The following SDK1 variants were observed in gnomAD, a reference collection of about 807,000 sequenced individuals.
SDK1 encodes the protein protein sidekick-1.
SDK1 carries 157 observed loss-of-function variants against 245.5 expected under a neutral mutation model. The ratio of observed to expected loss-of-function variants is 0.64; its 90% CI spans 0.56 to 0.73. SDK1 has a LOEUF of 0.73. Ranked by LOEUF, SDK1 falls within the 30% of genes least tolerant of loss-of-function variation. The pLI is 0.00. For synonymous variants in SDK1, 1,647 were observed against 1,278.5 expected (o/e 1.29, Z -6.15); for missense variants, 3,583 against 3,002.3 (o/e 1.19, Z -4.52).
intron 44 of SDK1, among the ~76,000 whole-genome samples, chr7:4,247,732 G>A (rs1176770485): frequency 6.6e-6 from 1 of 152,230 alleles, no homozygotes; most frequent in African/African-American, 2.4e-5. Context: ...CTGGCCCAGG[G>A]TGAACGTGCA....
chr7:3,674,200 T>C (rs1365835559), intron 4 of SDK1, among the ~76,000 whole-genome samples: 2 of 152,062 alleles, frequency 1.3e-5, no homozygotes, highest in African/African-American at 2.4e-5. Context: ...GCATCAGAAA[T>C]TGACTACAAC....
intron 44 of SDK1, among the ~76,000 whole-genome samples, chr7:4,263,703 C>T (rs1364393224): frequency 4.7e-4 from 3 of 6,432 alleles, no homozygotes; most frequent in Non-Finnish European, 8.2e-4. Context: ...TGAGGGAGGC[C>T]GCGTAGACCT....
intron 22 of SDK1, among the ~76,000 whole-genome samples, chr7:4,080,736 T>A (rs1373966781): frequency 6.6e-6 from 1 of 152,014 alleles, no homozygotes; most frequent in Non-Finnish European, 1.5e-5. Flanking sequence ...AGGGATAGCA[T>A]TGGGAGATAC....
At chr7:3,316,013 T>C (rs1228983274) in intron 1 of SDK1, among the ~76,000 whole-genome samples, 1 of 152,210 alleles carries the variant, frequency 6.6e-6, no homozygotes, top group African/African-American at 2.4e-5. Context: ...GTTTAATCTT[T>C]ATGATTCTAG....
At chr7:3,756,489 A>G (rs1779936878) in intron 4 of SDK1, among the ~76,000 whole-genome samples, 1 of 151,706 alleles carries the variant, frequency 6.6e-6, no homozygotes. Context: ...CTCCTTTCAC[A>G]TGGCATTGTG....
intron 1 of SDK1, among the ~76,000 whole-genome samples, chr7:3,549,715 C>T (rs1182639941): frequency 1.3e-5 from 2 of 152,096 alleles, no homozygotes; most frequent in African/African-American, 4.8e-5. Context: ...GAAGTTGGCT[C>T]TGAACAAGAA....
chr7:4,201,488 TTA>T (rs1289338514), intron 35 of SDK1, among the ~76,000 whole-genome samples: 3 of 152,374 alleles, frequency 2.0e-5, no homozygotes, highest in African/African-American at 7.2e-5. Flanking sequence ...AATTATTTCA[TTA>T]TATTAAAACA....
intron 1 of SDK1, among the ~76,000 whole-genome samples, chr7:3,358,552 G>A (rs577198077): frequency 6.6e-6 from 1 of 151,848 alleles, no homozygotes; most frequent in Non-Finnish European, 1.5e-5. Context: ...CATTGTTCAC[G>A]CTTACAGCAT....
At chr7:4,120,154 G>A (rs540275206) in intron 25 of SDK1, among the ~76,000 whole-genome samples, 5 of 148,434 alleles carry the variant, frequency 3.4e-5, no homozygotes, top group Non-Finnish European at 7.5e-5. Flanking sequence ...AACAGAATGA[G>A]ATCTACCACA....
chr7:3,773,111 TA>T (rs1780449276), intron 4 of SDK1, among the ~76,000 whole-genome samples: 1 of 152,244 alleles, frequency 6.6e-6, no homozygotes, highest in Non-Finnish European at 1.5e-5. Flanking sequence ...TTTCAGCCCT[TA>T]TTTCTTCAAG....
At chr7:4,081,084 G>T (rs889689876) in intron 22 of SDK1, among the ~76,000 whole-genome samples, 1 of 152,202 alleles carries the variant, frequency 6.6e-6, no homozygotes, top group East Asian at 1.9e-4. Flanking sequence ...TGACGATGCC[G>T]CATAGCTGAG....
intron 4 of SDK1, chr7:3,643,899 CTTATAA>C (rs1782736715): frequency 6.7e-6 from 1 of 148,374 alleles, no homozygotes; most frequent in African/African-American, 2.5e-5. Context: ...TTATATAATA[CTTATAA>C]TTAATAATTA....
chr7:4,057,361 C>T (rs1779269090), intron 19 of SDK1, among the ~76,000 whole-genome samples: 1 of 152,142 alleles, frequency 6.6e-6, no homozygotes, highest in African/African-American at 2.4e-5. Flanking sequence ...GACCTGAAGT[C>T]GGGCCCACCC....
In SDK1 at chr7:3,365,278, C is replaced by T. The variant is rs540782590; in HGVS notation, c.298+63394C>T. On this transcript the variant is annotated intron_variant, in intron 1 of 44. Coordinates refer to ENST00000404826, the MANE Select transcript of SDK1 (RefSeq NM_152744.4). ...GTATTCATTTTCAGTTTGAGTGAGTCACTTTTCATCTTGTGCTTTTCTAAC... is the reference window on the plus strand; with the variant it reads ...GTATTCATTTTCAGTTTGAGTGAGTTACTTTTCATCTTGTGCTTTTCTAAC... 4.5e-4 allele frequency among the ~76,000 whole-genome samples: 68 copies of T among 152,268 alleles called. 1 individual carries two copies. Among genetic ancestry groups the T allele is most frequent in the African/African-American group, 1.6e-3 (66 of 41,560 alleles).
chr7:3,445,279 C>T (rs1417494765), intron 1 of SDK1, among the ~76,000 whole-genome samples: 5 of 151,986 alleles, frequency 3.3e-5, no homozygotes, highest in African/African-American at 4.8e-5. Flanking sequence ...TCTTAGATAC[C>T]TACAAAACAG....
intron 11 of SDK1, 128 bp from the exon 12 acceptor site, chr7:3,971,338 A>G (rs1018223236): frequency 4.4e-6 from 3 of 676,158 alleles, no homozygotes; most frequent in East Asian, 5.5e-5. Context: ...ATCCATTTAC[A>G]CTCATTCTGC....
intron 2 of SDK1, among the ~76,000 whole-genome samples, chr7:3,633,253 C>G (rs957488847): frequency 1.3e-5 from 2 of 152,066 alleles, no homozygotes; most frequent in Non-Finnish European, 2.9e-5. Context: ...GTCCCCCCAC[C>G]ACTGAAAGAG....
At chr7:3,955,669 G>C (rs1319176284) in intron 7 of SDK1, among the ~76,000 whole-genome samples, 1 of 152,190 alleles carries the variant, frequency 6.6e-6, no homozygotes, top group African/African-American at 2.4e-5. Flanking sequence ...AACATCTTTG[G>C]ATCTTGCAGT....
chr7:3,776,980 C>T (rs957220667), intron 4 of SDK1, among the ~76,000 whole-genome samples: 1 of 152,154 alleles, frequency 6.6e-6, no homozygotes, highest in East Asian at 1.9e-4. Context: ...TTTCCACCCC[C>T]ACACACACTT....
Sources: gnomAD v4.1 joint callset for allele counts (sites outside exome capture counted in the v4.1 genomes callset) on GRCh38, gnomAD v4.1.1 for gene constraint, MANE v1.5 for transcripts, NCBI Gene and HGNC (gene_info 2026-07-23, HGNC 2026-07-21) for gene names.